Variants in LYPLAL1 observed in about 807,000 individuals in gnomAD.
The protein encoded by LYPLAL1 is lysophospholipase-like protein 1.
Under a neutral mutation model 19.7 loss-of-function variants are expected in LYPLAL1, and 23 were observed. The ratio of observed to expected loss-of-function variants is 1.17; its 90% CI spans 0.84 to 1.65. The LOEUF is 1.65. Among genes scored for constraint, LYPLAL1 ranks in the 40% most tolerant of loss-of-function variants. The pLI, the probability that LYPLAL1 is intolerant of heterozygous loss-of-function variation, is 0.00. For synonymous variants in LYPLAL1, 119 were observed against 96.3 expected (o/e 1.24, Z -1.38); for missense variants, 355 against 279.4 (o/e 1.27, Z -1.93).
chr1:219,288,703 AC>A, the LYPLAL1 span, among the ~76,000 whole-genome samples: 4 of 152,202 alleles, frequency 2.6e-5, no homozygotes, highest in African/African-American at 9.6e-5. Context: ...TAACAAATGC[AC>A]CACTCTGGTG....
the LYPLAL1 span, among the ~76,000 whole-genome samples, chr1:219,314,564 C>T: frequency 3.3e-5 from 5 of 152,166 alleles, no homozygotes; most frequent in African/African-American, 1.2e-4. Flanking sequence ...CCTGCCTCAG[C>T]CTCCCTAATA....
chr1:219,366,715 T>C, the LYPLAL1 span, among the ~76,000 whole-genome samples: 3 of 152,104 alleles, frequency 2.0e-5, no homozygotes, highest in African/African-American at 7.2e-5. Flanking sequence ...GGAAGCATAT[T>C]CTTACCACAG....
the LYPLAL1 span, among the ~76,000 whole-genome samples, chr1:219,239,815 C>T: frequency 6.6e-6 from 1 of 152,196 alleles, no homozygotes; most frequent in African/African-American, 2.4e-5. Context: ...TCCTTACAGA[C>T]ATTTAATCCA....
chr1:219,214,848 C>T (rs1659231423), downstream of LYPLAL1, among the ~76,000 whole-genome samples: 2 of 151,822 alleles, frequency 1.3e-5, no homozygotes, highest in South Asian at 4.1e-4. Flanking sequence ...TGCCACTATC[C>T]CCAGCTAGTT....
intron 2 of LYPLAL1, among the ~76,000 whole-genome samples, chr1:219,189,701 A>G (rs1015719662): frequency 1.3e-5 from 2 of 151,626 alleles, no homozygotes; most frequent in African/African-American, 4.8e-5. Context: ...GCCTGGATAA[A>G]GAGCAATGAA....
At chr1:219,267,538 C>G in the LYPLAL1 span, among the ~76,000 whole-genome samples, 4 of 152,154 alleles carry the variant, frequency 2.6e-5, no homozygotes, top group African/African-American at 9.7e-5. Context: ...TCTGGGAAAA[C>G]TAGGTCATTA....
chr1:219,382,513 C>G, the LYPLAL1 span, among the ~76,000 whole-genome samples: 2 of 152,166 alleles, frequency 1.3e-5, no homozygotes, highest in African/African-American at 4.8e-5. Context: ...GCGCCCACCA[C>G]TGCGCCCGGC....
At chr1:219,183,153 A>G (rs1656434894) in intron 2 of LYPLAL1, among the ~76,000 whole-genome samples, 1 of 152,060 alleles carries the variant, frequency 6.6e-6, no homozygotes, top group Non-Finnish European at 1.5e-5. Context: ...ATGGTATCCT[A>G]TTGTGATTTT....
At chr1:219,190,640 A>AAG (rs1418946022) in intron 2 of LYPLAL1, among the ~76,000 whole-genome samples, 3 of 150,790 alleles carry the variant, frequency 2.0e-5, no homozygotes, top group South Asian at 2.1e-4. Flanking sequence ...AAAAAAAAAA[A>AAG]AACCCTTAAG....
At chr1:219,273,921 C>T in the LYPLAL1 span, among the ~76,000 whole-genome samples, 6 of 152,108 alleles carry the variant, frequency 3.9e-5, no homozygotes, top group Admixed American at 1.3e-4. Flanking sequence ...CCATCACATC[C>T]GGCTAATTTT....
At chr1:219,240,545 G>A in the LYPLAL1 span, among the ~76,000 whole-genome samples, 1 of 151,946 alleles carries the variant, frequency 6.6e-6, no homozygotes, top group Non-Finnish European at 1.5e-5. Context: ...TGAAAATATT[G>A]TTAAAATTTA....
At chr1:219,180,145 T>C (rs914674692) in intron 2 of LYPLAL1, among the ~76,000 whole-genome samples, 3 of 152,150 alleles carry the variant, frequency 2.0e-5, no homozygotes, top group Non-Finnish European at 1.5e-5. Flanking sequence ...TACAGGCATG[T>C]GACACCACGC....
the LYPLAL1 span, among the ~76,000 whole-genome samples, chr1:219,283,410 G>A: frequency 1.6e-4 from 24 of 152,278 alleles, no homozygotes; most frequent in African/African-American, 5.3e-4. Flanking sequence ...ATTCACAAAC[G>A]TGGAGCTAAG....
At chr1:219,309,704 T>A in the LYPLAL1 span, among the ~76,000 whole-genome samples, 2 of 152,340 alleles carry the variant, frequency 1.3e-5, no homozygotes, top group South Asian at 4.1e-4. Context: ...TTTTGCCTTC[T>A]GCCATGATTC....
chr1:219,443,711 C>CTTCT, the LYPLAL1 span, among the ~76,000 whole-genome samples: 16 of 151,876 alleles, frequency 1.1e-4, no homozygotes, highest in Middle Eastern at 3.4e-3. Flanking sequence ...AAGAAAGACC[C>CTTCT]AAACACTTCT....
At chr1:219,371,070 T>A in the LYPLAL1 span, among the ~76,000 whole-genome samples, 1 of 152,342 alleles carries the variant, frequency 6.6e-6, no homozygotes, top group Middle Eastern at 3.4e-3. Context: ...TTATATTACT[T>A]ATTTCTCTGA....
intron 2 of LYPLAL1, among the ~76,000 whole-genome samples, chr1:219,180,660 C>T (rs1317661140): frequency 6.6e-6 from 1 of 152,124 alleles, no homozygotes; most frequent in Non-Finnish European, 1.5e-5. Context: ...AGTGGTATTT[C>T]TGCAGGGATG....
the LYPLAL1 span, among the ~76,000 whole-genome samples, chr1:219,435,598 A>G: frequency 0.83 from 126,659 of 151,970 alleles, 53,392 homozygotes; most frequent in African/African-American, 0.94. Flanking sequence ...AGGCCGAGGC[A>G]GGCGGATCAC....
chr1:219,418,005 T>C, the LYPLAL1 span, among the ~76,000 whole-genome samples: 1 of 152,248 alleles, frequency 6.6e-6, no homozygotes, highest in Admixed American at 6.5e-5. Context: ...GGATACTTAA[T>C]AGGTTTAATT....
Sources: allele counts gnomAD v4.1 joint callset (sites outside exome capture counted in the v4.1 genomes callset), GRCh38; gene constraint gnomAD v4.1.1; transcripts MANE v1.5; gene names NCBI Gene and HGNC (gene_info 2026-07-23, HGNC 2026-07-21).